Variants in CADM2 observed in about 807,000 individuals in gnomAD.
The protein encoded by CADM2 is cell adhesion molecule 2.
A neutral mutation model predicts 49.8 loss-of-function variants in CADM2; 12 were observed. The ratio of observed to expected loss-of-function variants is 0.24; its 90% CI spans 0.15 to 0.39. CADM2 has a LOEUF of 0.39. Ranked by LOEUF, CADM2 falls within the 10% of genes least tolerant of loss-of-function variation. CADM2 has a pLI of 1.00. For synonymous variants in CADM2, 214 were observed against 175.4 expected, an observed-to-expected ratio of 1.22 and a Z score of -1.74; for missense variants, 378 against 492.3, an observed-to-expected ratio of 0.77 and a Z score of 2.20.
chr3:85,675,406 GA>G (rs2065862032), intron 1 of CADM2, among the ~76,000 whole-genome samples: 1 of 152,116 alleles, frequency 6.6e-6, no homozygotes, highest in Non-Finnish European at 1.5e-5. Flanking sequence ...TTCAGAAAAT[GA>G]TATTGTTGTT....
intron 1 of CADM2, among the ~76,000 whole-genome samples, chr3:85,207,781 A>G (rs1387800886): frequency 6.6e-6 from 1 of 152,194 alleles, no homozygotes; most frequent in Non-Finnish European, 1.5e-5. Flanking sequence ...TTAATTTGAC[A>G]AACATTTGGC....
chr3:85,291,372 T>C (rs546784486), intron 1 of CADM2, among the ~76,000 whole-genome samples: 54 of 151,332 alleles, frequency 3.6e-4, no homozygotes, highest in African/African-American at 1.3e-3. Context: ...CTGCAGGATA[T>C]TATCCATGAG....
At chr3:85,264,016 G>GA (rs1455065701) in intron 1 of CADM2, among the ~76,000 whole-genome samples, 3 of 151,896 alleles carry the variant, frequency 2.0e-5, no homozygotes, top group Non-Finnish European at 4.4e-5. Context: ...TATTCATAGG[G>GA]AAAATGGAGG....
intron 1 of CADM2, among the ~76,000 whole-genome samples, chr3:85,713,982 G>A (rs1179519190): frequency 6.6e-6 from 1 of 152,280 alleles, no homozygotes; most frequent in East Asian, 1.9e-4. Context: ...CAACATTCTG[G>A]AGGTCACATT....
chr3:85,522,837 C>T (rs995903916), intron 1 of CADM2, among the ~76,000 whole-genome samples: 1 of 151,896 alleles, frequency 6.6e-6, no homozygotes, highest in African/African-American at 2.4e-5. Flanking sequence ...GCTCCTGTAT[C>T]CCAAGCATCA....
intron 1 of CADM2, among the ~76,000 whole-genome samples, chr3:85,568,445 T>TTTCTCTC (rs1553743611): frequency 3.0e-4 from 10 of 33,082 alleles, no homozygotes; most frequent in South Asian, 2.2e-3. Flanking sequence ...CTTTCTTTCT[T>TTTCTCTC]TCTTTCTTTC....
intron 1 of CADM2, among the ~76,000 whole-genome samples, chr3:85,573,157 T>TTTTATTTA (rs34809115): frequency 3.6e-4 from 50 of 139,580 alleles, no homozygotes; most frequent in East Asian, 1.3e-3. Context: ...AACGTGCTTA[T>TTTTATTTA]TTTATTTATT....
intron 1 of CADM2, among the ~76,000 whole-genome samples, chr3:85,498,859 G>T (rs1296196496): frequency 1.3e-5 from 2 of 152,026 alleles, no homozygotes; most frequent in Non-Finnish European, 2.9e-5. Context: ...CTGAATAAAG[G>T]GAATTAACTG....
intron 1 of CADM2, among the ~76,000 whole-genome samples, chr3:85,409,603 A>G (rs573765901): frequency 5.9e-5 from 9 of 152,248 alleles, no homozygotes; most frequent in African/African-American, 2.2e-4. Context: ...TCCAACGTGA[A>G]TTTTAAAGGG....
At chr3:85,425,890 T>G (rs181094109) in intron 1 of CADM2, among the ~76,000 whole-genome samples, 180 of 152,238 alleles carry the variant, frequency 1.2e-3, no homozygotes, top group African/African-American at 4.1e-3. Context: ...AATGTGGAGG[T>G]CTAAAGGGCA....
chr3:85,187,844 T>C (rs1437943691), intron 1 of CADM2, among the ~76,000 whole-genome samples: 1 of 151,016 alleles, frequency 6.6e-6, no homozygotes, highest in Non-Finnish European at 1.5e-5. Flanking sequence ...TAACAAATAC[T>C]TTTTTTTCAA....
At chr3:85,060,531 A>T (rs2036266373) in intron 1 of CADM2, among the ~76,000 whole-genome samples, 1 of 152,170 alleles carries the variant, frequency 6.6e-6, no homozygotes, top group Non-Finnish European at 1.5e-5. Flanking sequence ...TGGTAAATGA[A>T]AATGTTTTCT....
At chr3:85,019,578 A>T (rs1178877681) in intron 1 of CADM2, among the ~76,000 whole-genome samples, 2 of 152,236 alleles carry the variant, frequency 1.3e-5, no homozygotes, top group African/African-American at 4.8e-5. Flanking sequence ...ACTGTCAGGC[A>T]TGCATGCCAC....
intron 1 of CADM2, among the ~76,000 whole-genome samples, chr3:85,324,135 CA>C (rs2044687299): frequency 6.6e-6 from 1 of 152,160 alleles, no homozygotes; most frequent in African/African-American, 2.4e-5. Context: ...AAGAAATTAG[CA>C]CTCAAATATT....
intron 1 of CADM2, among the ~76,000 whole-genome samples, chr3:85,498,556 G>GT (rs1171861675): frequency 6.6e-6 from 1 of 152,170 alleles, no homozygotes; most frequent in Non-Finnish European, 1.5e-5. Flanking sequence ...TAACACTGCT[G>GT]TGAGGTTGAA....
At chr3:85,528,991 CTT>C (rs1193727440) in intron 1 of CADM2, among the ~76,000 whole-genome samples, 1 of 152,050 alleles carries the variant, frequency 6.6e-6, no homozygotes, top group African/African-American at 2.4e-5. Flanking sequence ...AGTTAGAAAA[CTT>C]TACATGTATC....
chr3:85,126,419 T>G lies in CADM2; in HGVS notation c.61+166751T>G, dbSNP rs1037819225. On this transcript the variant is annotated intron_variant, in intron 1 of 9. Transcript: ENST00000383699. ...TAGTATATTTTAAGATTGTTAGTGT[T>G]GTGGGGAAAAAAATCAGAAGTTAGG... Among the ~76,000 whole-genome samples, 88 of 152,200 alleles carry G rather than the reference T, an allele frequency of 5.8e-4. 1 individual carries two copies. Among genetic ancestry groups the G allele is most frequent in the Non-Finnish European group, 1.6e-4 (11 of 67,964 alleles).
At chr3:85,162,265 A>T (rs2040349971) in intron 1 of CADM2, among the ~76,000 whole-genome samples, 1 of 152,188 alleles carries the variant, frequency 6.6e-6, no homozygotes, top group Non-Finnish European at 1.5e-5. Context: ...TGATCCAAAA[A>T]ATGCTACCAC....
At chr3:85,657,060 C>G (rs1031997599) in intron 1 of CADM2, among the ~76,000 whole-genome samples, 1 of 152,262 alleles carries the variant, frequency 6.6e-6, no homozygotes, top group East Asian at 1.9e-4. Flanking sequence ...TTTTGAAATT[C>G]TACCACTTTC....
Sources: gnomAD v4.1 joint callset for allele counts (sites outside exome capture counted in the v4.1 genomes callset) on GRCh38, gnomAD v4.1.1 for gene constraint, MANE v1.5 for transcripts, NCBI Gene and HGNC (gene_info 2026-07-23, HGNC 2026-07-21) for gene names.